SV2B: variants seen among roughly 807,000 people sequenced by gnomAD.
The protein encoded by SV2B is synaptic vesicle glycoprotein 2B.
A neutral mutation model predicts 73.9 loss-of-function variants in SV2B; 41 were observed. That is an observed-to-expected ratio of 0.56 (90% CI 0.43 to 0.72). The LOEUF (loss-of-function observed/expected upper bound fraction) is 0.72. SV2B is among the 30% of genes least tolerant of loss of function. The probability of loss-of-function intolerance (pLI) is 0.00; values close to 1 mark genes in which losing one functional copy is unlikely to be tolerated. For synonymous variants in SV2B, 314 were observed against 314.2 expected (o/e 1.00, Z 0.01); for missense variants, 764 against 857.8 (o/e 0.89, Z 1.37).
rs1340016682 is a variant in SV2B, at chr15:91,229,045, A to G, written c.451+2331A>G. 6.6e-6 allele frequency among the ~76,000 whole-genome samples: 1 copy of G among 152,234 alleles called. No homozygotes were observed. Among genetic ancestry groups the G allele is most frequent in the East Asian group, 1.9e-4 (1 of 5,202 alleles). On this transcript the variant is annotated intron_variant, in intron 2 of 12. Transcript: ENST00000394232. The surrounding 1 kb of genome is among the most constrained non-coding windows in gnomAD (Gnocchi z 4.3). ...GAAGGTCTATTTGACTTCAAAGTCT[A>G]TGCCCATTCTGCCACACCATACTGC...
chr15:91,278,053 G>A (rs1280211279), intron 9 of SV2B, among the ~76,000 whole-genome samples: 15 of 152,164 alleles, frequency 9.9e-5, no homozygotes, highest in Admixed American at 8.5e-4. Context: ...TTTGGTTGAC[G>A]TTGGCACCAG....
In SV2B at chr15:91,124,386, A is replaced by G. The variant is rs2042420131; in HGVS notation, c.-392+24023A>G. 6.6e-6 allele frequency among the ~76,000 whole-genome samples: 1 copy of G among 152,148 alleles called. No individual in the cohort carries two copies. The highest frequency in any genetic ancestry group is 6.5e-5 in the Admixed American group (1 of 15,270). On this transcript the variant is annotated intron_variant, in intron 1 of 12. Transcript: ENST00000394232. This position sits in a 1 kb window ranked among gnomAD's most constrained non-coding sequence, Gnocchi z 4.6. ...ATGGCACCTCCTTCCTCAGGAAGTG[A>G]GACACCTGCAACCGAGTGTGAGGTG...
chr15:91,146,242 G>T (rs189258043), intron 1 of SV2B, among the ~76,000 whole-genome samples: 3 of 152,058 alleles, frequency 2.0e-5, no homozygotes, highest in South Asian at 2.1e-4. Flanking sequence ...AATCCATTCC[G>T]CATTGCTTGT....
At chr15:91,262,691 T>G (rs2047952665) in intron 6 of SV2B, among the ~76,000 whole-genome samples, 1 of 151,972 alleles carries the variant, frequency 6.6e-6, no homozygotes, top group African/African-American at 2.4e-5. Context: ...TGGCTCCCAC[T>G]TATAAGGGAG....
Position 91,190,199 on chromosome 15 carries a change from C to T in SV2B, c.-391-35674C>T, listed in dbSNP as rs116011439. ...GTTTGTTACATATGTATACATGTGC[C>T]ATGTTGGTGTGCTGTGATTTATGTT... On this transcript the variant is annotated intron_variant, in intron 1 of 12. Transcript: ENST00000394232. 7.6e-3 allele frequency among the ~76,000 whole-genome samples: 1,152 copies of T among 152,098 alleles called. 14 individuals are homozygous for T. The highest frequency in any genetic ancestry group is 0.027 in the African/African-American group (1,105 of 41,500).
At chr15:91,266,498 T>G in intron 6 of SV2B, 84 bp from the exon 7 acceptor site, 1 of 1,102,378 alleles carries the variant, frequency 9.1e-7, no homozygotes, top group East Asian at 2.4e-5. Flanking sequence ...CTAAATCAGT[T>G]TAAATAGTTA....
chr15:91,230,946 G>A (rs2046550868), intron 2 of SV2B, among the ~76,000 whole-genome samples: 1 of 152,108 alleles, frequency 6.6e-6, no homozygotes, highest in African/African-American at 2.4e-5. Context: ...ATGGGCTGGG[G>A]GGCGTTCTGG....
intron 2 of SV2B, among the ~76,000 whole-genome samples, chr15:91,247,159 G>C (rs1296513809): frequency 6.6e-6 from 1 of 152,110 alleles, no homozygotes; most frequent in Non-Finnish European, 1.5e-5. Flanking sequence ...CCATGACCTT[G>C]GACAGTGAGG....
At chr15:91,107,168 G>C (rs1468950831) in intron 1 of SV2B, among the ~76,000 whole-genome samples, 3 of 152,232 alleles carry the variant, frequency 2.0e-5, no homozygotes, top group African/African-American at 7.2e-5. Context: ...GTGTGAGAAA[G>C]AGATGCAAGC....
intron 1 of SV2B, among the ~76,000 whole-genome samples, chr15:91,156,748 G>C (rs772936934): frequency 1.4e-4 from 21 of 152,162 alleles, no homozygotes; most frequent in Non-Finnish European, 3.1e-4. Context: ...AAAATCCCCA[G>C]AGTAACTCAA....
At position 91,171,119 on chromosome 15, in the gene SV2B, AAC is replaced by A. The variant is rs1261328617; in HGVS notation, c.-391-54753_-391-54752del. ...TGGATCTCGATCAGTCTGTCTCTGAAACCTGTGCTCTTAACTATTATGCTATG... is the reference window on the plus strand; with the variant it reads ...TGGATCTCGATCAGTCTGTCTCTGAACTGTGCTCTTAACTATTATGCTATG... On this transcript the variant is annotated intron_variant, in intron 1 of 12. Coordinates refer to ENST00000394232, the MANE Select transcript of SV2B (RefSeq NM_001323032.3). Among the ~76,000 whole-genome samples the A allele has an allele frequency of 4.6e-5, 7 of 152,226 alleles. No individual in the cohort carries two copies. In the East Asian group the frequency reaches 1.4e-3, roughly 29 times the overall value.
At chr15:91,108,178 A>G (rs2151723060) in intron 1 of SV2B, among the ~76,000 whole-genome samples, 1 of 152,312 alleles carries the variant, frequency 6.6e-6, no homozygotes, top group South Asian at 2.1e-4. Context: ...TTTGATGTTC[A>G]CAGTGCCATT....
chr15:91,218,893 CT>C (rs1243352952), intron 1 of SV2B, among the ~76,000 whole-genome samples: 5 of 152,140 alleles, frequency 3.3e-5, no homozygotes, highest in African/African-American at 1.2e-4. Context: ...AGGGGACCAT[CT>C]TTTGTTATTG....
chr15:91,168,331 A>AGAG (rs58086579), intron 1 of SV2B, among the ~76,000 whole-genome samples: 4 of 151,044 alleles, frequency 2.6e-5, no homozygotes, highest in African/African-American at 7.3e-5. Flanking sequence ...AGAGAGAGAG[A>AGAG]AAAGAAATTT....
chr15:91,193,640 G>T (rs987157567), intron 1 of SV2B, among the ~76,000 whole-genome samples: 1 of 152,166 alleles, frequency 6.6e-6, no homozygotes, highest in African/African-American at 2.4e-5. Flanking sequence ...CTGCCATTCT[G>T]AAAGCAGCTT....
rs540252398 is a variant in SV2B, at chr15:91,255,057, C to G, written c.784+2537C>G. On this transcript the variant is annotated intron_variant, in intron 4 of 12. Transcript: ENST00000394232. ...AGCTATGGGTAGGGTCAGTCCCACC[C>G]AAACCACAGGTGTGCAACACAGTGG... 2.4e-3 allele frequency among the ~76,000 whole-genome samples: 366 copies of G among 152,300 alleles called. 3 individuals are homozygous for G. The highest frequency in any genetic ancestry group is 8.4e-3 in the African/African-American group (350 of 41,552).
intron 2 of SV2B, among the ~76,000 whole-genome samples, chr15:91,228,035 T>G (rs1219449133): frequency 6.6e-6 from 1 of 152,188 alleles, no homozygotes; most frequent in Non-Finnish European, 1.5e-5. Flanking sequence ...GTGGGCCAGA[T>G]TTAGCCTGCG....
chr15:91,156,334 G>C (rs1010351221), intron 1 of SV2B, among the ~76,000 whole-genome samples: 1 of 152,184 alleles, frequency 6.6e-6, no homozygotes, highest in African/African-American at 2.4e-5. Flanking sequence ...GGGTTCTCTT[G>C]TGCAGGGCCA....
intron 1 of SV2B, among the ~76,000 whole-genome samples, chr15:91,195,255 T>C (rs925375779): frequency 2.0e-5 from 3 of 152,280 alleles, no homozygotes; most frequent in Admixed American, 6.5e-5. Flanking sequence ...CCTCCCAGGC[T>C]CAAGCGATTC....
Sources: gnomAD v4.1 joint callset for allele counts (sites outside exome capture counted in the v4.1 genomes callset) on GRCh38, gnomAD v4.1.1 for gene constraint, Gnocchi (gnomAD v3.1) non-coding constraint, MANE v1.5 for transcripts, NCBI Gene and HGNC (gene_info 2026-07-23, HGNC 2026-07-21) for gene names.